The following CSMD1 variants were observed in gnomAD, a reference collection of about 807,000 sequenced individuals.
The protein encoded by CSMD1 is CUB and sushi domain-containing protein 1.
Under a neutral mutation model 417.5 loss-of-function variants are expected in CSMD1, and 213 were observed. That is an observed-to-expected ratio of 0.51 (90% CI 0.46 to 0.57). The LOEUF is 0.57. Ranked by LOEUF, CSMD1 falls within the 20% of genes least tolerant of loss-of-function variation. The pLI is 0.00. For missense variants in CSMD1, 6,923 were observed against 4,529.7 expected (o/e 1.53, Z -15.17); for synonymous variants, 2,862 against 1,736.8 (o/e 1.65, Z -16.11).
intron 3 of CSMD1, among the ~76,000 whole-genome samples, chr8:4,223,743 C>A (rs1031292645): frequency 1.3e-5 from 2 of 152,180 alleles, no homozygotes; most frequent in African/African-American, 4.8e-5. Context: ...GGGTCAGATT[C>A]TCAGAATATT....
chr8:4,215,263 C>T (rs1478302967), intron 3 of CSMD1, among the ~76,000 whole-genome samples: 3 of 152,146 alleles, frequency 2.0e-5, no homozygotes, highest in Non-Finnish European at 4.4e-5. Flanking sequence ...CTGTTCATAG[C>T]CAAATGCTGT....
intron 3 of CSMD1, among the ~76,000 whole-genome samples, chr8:4,200,168 CT>C (rs1161200523): frequency 1.3e-4 from 20 of 152,256 alleles, no homozygotes; most frequent in African/African-American, 4.3e-4. Context: ...GCAAAAGCTC[CT>C]TTTTAACTAC....
intron 50 of CSMD1, among the ~76,000 whole-genome samples, chr8:3,042,156 A>G (rs74977034): frequency 0.04 from 6,074 of 152,250 alleles, 417 homozygotes; most frequent in African/African-American, 0.14. Flanking sequence ...TCTCTCATGC[A>G]TCTGGTTAGC....
At chr8:3,027,884 G>A (rs1585181954) in intron 51 of CSMD1, among the ~76,000 whole-genome samples, 1 of 152,232 alleles carries the variant, frequency 6.6e-6, no homozygotes, top group Non-Finnish European at 1.5e-5. Context: ...TGCTACTAAT[G>A]AGTTTAGTTC....
intron 5 of CSMD1, among the ~76,000 whole-genome samples, chr8:3,810,232 T>G (rs1800988728): frequency 1.3e-5 from 2 of 152,080 alleles, no homozygotes; most frequent in South Asian, 4.2e-4. Flanking sequence ...ATAGAGAAGT[T>G]TTCATAGAGA....
chr8:4,826,383 T>A (rs1799827807), intron 1 of CSMD1, among the ~76,000 whole-genome samples: 1 of 152,142 alleles, frequency 6.6e-6, no homozygotes, highest in African/African-American at 2.4e-5. Flanking sequence ...GACGCAATCC[T>A]GCATATGCAA....
intron 1 of CSMD1, among the ~76,000 whole-genome samples, chr8:4,941,037 A>T (rs936942322): frequency 2.0e-5 from 3 of 152,198 alleles, no homozygotes; most frequent in Non-Finnish European, 4.4e-5. Context: ...TACACTTTTC[A>T]TTTCTGTTAT....
chr8:4,523,524 C>G (rs1310402684), intron 2 of CSMD1, among the ~76,000 whole-genome samples: 1 of 152,068 alleles, frequency 6.6e-6, no homozygotes, highest in Admixed American at 6.6e-5. Flanking sequence ...TTCCTTCTCT[C>G]TCACACACAC....
At chr8:4,595,189 A>C (rs562426094) in intron 2 of CSMD1, among the ~76,000 whole-genome samples, 3 of 152,108 alleles carry the variant, frequency 2.0e-5, no homozygotes, top group African/African-American at 7.2e-5. Flanking sequence ...TTGCAGAAAC[A>C]TCCTAAAATG....
intron 23 of CSMD1, among the ~76,000 whole-genome samples, chr8:3,323,867 G>C (rs1043399628): frequency 7.0e-6 from 1 of 141,956 alleles, no homozygotes; most frequent in Non-Finnish European, 1.5e-5. Context: ...CTAACACCCA[G>C]AGACCCAGGA....
Position 4,404,883 on chromosome 8 carries a change from T to G in CSMD1, c.415+15070A>C, listed in dbSNP as rs149915206. Among the ~76,000 whole-genome samples, 460 of 152,240 alleles carry G rather than the reference T, an allele frequency of 3.0e-3. 3 individuals carry two copies. Among genetic ancestry groups the G allele is most frequent in the African/African-American group, 0.01 (431 of 41,524 alleles). On this transcript the variant is annotated intron_variant, in intron 3 of 69. Coordinates refer to ENST00000635120, the MANE Select transcript of CSMD1 (RefSeq NM_033225.6). Reference sequence around the variant, plus strand: ...AGCCACACTTCCATGCACTTCACATTTATTTCGCTCATTGAATTTTTCCAA... The same window carrying G: ...AGCCACACTTCCATGCACTTCACATGTATTTCGCTCATTGAATTTTTCCAA...
chr8:4,665,584 C>T (rs184500496), intron 1 of CSMD1, among the ~76,000 whole-genome samples: 4 of 152,214 alleles, frequency 2.6e-5, no homozygotes, highest in Admixed American at 2.6e-4. Flanking sequence ...TTTGCCTTTC[C>T]CAGGTCATAT....
chr8:4,691,040 C>CAAA (rs1554445260), intron 1 of CSMD1, among the ~76,000 whole-genome samples: 1 of 152,070 alleles, frequency 6.6e-6, no homozygotes, highest in Non-Finnish European at 1.5e-5. Context: ...ATTATTTTTA[C>CAAA]GCCGTGCTTT....
chr8:2,982,763 G>C (rs1274692748), intron 54 of CSMD1, among the ~76,000 whole-genome samples: 2 of 152,200 alleles, frequency 1.3e-5, no homozygotes, highest in African/African-American at 4.8e-5. Context: ...CTTCTTTCCA[G>C]AACCCAAAGC....
chr8:3,692,196 T>A lies in CSMD1; in HGVS notation c.1009+16218A>T, dbSNP rs151056192. Among the ~76,000 whole-genome samples the A allele has an allele frequency of 9.2e-5, 14 of 152,304 alleles. No individual in the cohort carries two copies. In the East Asian group the frequency reaches 2.7e-3, roughly 29 times the overall value. ...ATTGTTTCTCCTGACTTTACGTTGT[T>A]ATGCCCCATACACCTCAGTGTCCTG... On this transcript the variant is annotated intron_variant, in intron 7 of 69. Coordinates refer to ENST00000635120, the MANE Select transcript of CSMD1 (RefSeq NM_033225.6).
chr8:4,615,230 G>A (rs562693760), intron 2 of CSMD1, among the ~76,000 whole-genome samples: 1 of 152,268 alleles, frequency 6.6e-6, no homozygotes, highest in South Asian at 2.1e-4. Flanking sequence ...GTGTACCCAT[G>A]TGAACACAAC....
intron 2 of CSMD1, among the ~76,000 whole-genome samples, chr8:4,627,276 T>C (rs1802173340): frequency 6.6e-6 from 1 of 152,034 alleles, no homozygotes; most frequent in Non-Finnish European, 1.5e-5. Flanking sequence ...AAAAAGTAAA[T>C]CTTAAACAGA....
chr8:3,654,396 T>C (rs1798002192), intron 7 of CSMD1, among the ~76,000 whole-genome samples: 1 of 152,154 alleles, frequency 6.6e-6, no homozygotes, highest in Admixed American at 6.5e-5. Context: ...ATAGCAGAGA[T>C]GTAAAGTACC....
chr8:3,429,349 A>G (rs749573627), intron 12 of CSMD1, among the ~76,000 whole-genome samples: 18 of 152,210 alleles, frequency 1.2e-4, no homozygotes, highest in Non-Finnish European at 2.5e-4. Context: ...ATTTTGGGAA[A>G]CAATTTGGTA....
Sources: gnomAD v4.1 joint callset for allele counts (sites outside exome capture counted in the v4.1 genomes callset) on GRCh38, gnomAD v4.1.1 for gene constraint, MANE v1.5 for transcripts, NCBI Gene and HGNC (gene_info 2026-07-23, HGNC 2026-07-21) for gene names.